The following CASZ1 variants were observed in gnomAD, a reference collection of about 807,000 sequenced individuals.
The protein encoded by CASZ1 is zinc finger protein castor homolog 1.
CASZ1 carries 28 observed loss-of-function variants against 135.2 expected under a neutral mutation model. The ratio of observed to expected loss-of-function variants is 0.21; its 90% confidence interval spans 0.15 to 0.28. The LOEUF (loss-of-function observed/expected upper bound fraction) is 0.28. Among genes scored for constraint, CASZ1 ranks in the 10% least tolerant of loss-of-function variants. The probability of loss-of-function intolerance (pLI) is 1.00; values close to 1 mark genes in which losing one functional copy is unlikely to be tolerated. For synonymous variants in CASZ1, 1,068 were observed against 1,073.4 expected (o/e 0.99, Z 0.10); for missense variants, 2,161 against 2,453.3 (o/e 0.88, Z 2.52).
intron 2 of CASZ1, among the ~76,000 whole-genome samples, chr1:10,734,676 AAGAG>A (rs201242340): frequency 1.3e-5 from 2 of 152,020 alleles, no homozygotes. Flanking sequence ...GAGAGAGAGA[AAGAG>A]AGAGAGAGGG....
chr1:10,700,475 G>T lies in CASZ1; in HGVS notation c.-24+5017C>A, dbSNP rs2100430154. On this transcript the variant is annotated intron_variant, in intron 3 of 20. Transcript: ENST00000377022. This position sits in a 1 kb window ranked among gnomAD's most constrained non-coding sequence, Gnocchi z 4.2. Reference sequence around the variant, plus strand: ...TACTTGGGGAGAAGACACGTGTGCTGCTGCCTGAGTCTAGGTGTTTGGATG... The same window carrying T: ...TACTTGGGGAGAAGACACGTGTGCTTCTGCCTGAGTCTAGGTGTTTGGATG... Among the ~76,000 whole-genome samples, 1 of 152,322 alleles carries T rather than the reference G, an allele frequency of 6.6e-6. No individual in the cohort carries two copies. Among genetic ancestry groups the T allele is most frequent in the South Asian group, 2.1e-4 (1 of 4,826 alleles).
intron 5 of CASZ1, among the ~76,000 whole-genome samples, chr1:10,663,435 G>T (rs1000823628): frequency 6.6e-6 from 1 of 152,220 alleles, no homozygotes; most frequent in Non-Finnish European, 1.5e-5. Flanking sequence ...GGCGGGGCTG[G>T]CGGGTCAGCC....
intron 1 of CASZ1, among the ~76,000 whole-genome samples, chr1:10,785,841 C>A (rs1309487253): frequency 6.6e-6 from 1 of 152,250 alleles, no homozygotes; most frequent in African/African-American, 2.4e-5. Flanking sequence ...AGTGTGCGTT[C>A]CGTAAAATAA....
chr1:10,719,706 G>A lies in CASZ1; in HGVS notation c.-76-14162C>T, dbSNP rs994405530. ...AATCCTGAAGCCCGTGGGTCCCAGA[G>A]CCTGGCACAGTGAGAGAAGAGGCAG... On this transcript the variant is annotated intron_variant, in intron 2 of 20. Coordinates refer to ENST00000377022, the MANE Select transcript of CASZ1 (RefSeq NM_001079843.3). The surrounding 1 kb of genome is among the most constrained non-coding windows in gnomAD (Gnocchi z 4.0). Among the ~76,000 whole-genome samples the A allele has an allele frequency of 2.8e-4, 43 of 152,342 alleles. No homozygotes were observed. The highest frequency in any genetic ancestry group is 9.1e-4 in the African/African-American group (38 of 41,570).
rs1265419301 is a variant in CASZ1 at position 10,707,092 on chromosome 1, C to G, written c.-76-1548G>C. On this transcript the variant is annotated intron_variant, in intron 2 of 20. Coordinates refer to ENST00000377022, the MANE Select transcript of CASZ1 (RefSeq NM_001079843.3). The surrounding 1 kb of genome is among the most constrained non-coding windows in gnomAD (Gnocchi z 5.0). ...CTGGCCGGTCAGCCCAGGGCCCTGG[C>G]TGGGGTGTCATCTTCACTGTCCCGT... is the stretch of plus-strand genomic sequence containing the variant. Among the ~76,000 whole-genome samples the G allele has an allele frequency of 2.0e-5, 3 of 151,986 alleles. No individual in the cohort carries two copies. The highest frequency in any genetic ancestry group is 4.4e-5 in the Non-Finnish European group (3 of 67,960).
In CASZ1 at chr1:10,794,189, GT is replaced by G. The variant is rs1481487864; in HGVS notation, c.-234+2374del. ...TGTATGTGTATGCGTGTGTGTGTGT[GT>G]GTGTGTGTGCGCGCGCGCGCGCGTC... On this transcript the variant is annotated intron_variant, in intron 1 of 20. Transcript: ENST00000377022. The surrounding 1 kb of genome is among the most constrained non-coding windows in gnomAD (Gnocchi z 5.6). Among the ~76,000 whole-genome samples, 49 of 151,666 alleles carry G rather than the reference GT, an allele frequency of 3.2e-4. No individual in the cohort carries two copies. The highest frequency in any genetic ancestry group is 1.0e-3 in the African/African-American group (43 of 41,148).
chr1:10,637,062 G>A lies in CASZ1; in HGVS notation c.*1880C>T, dbSNP rs2124657356. On this transcript the variant is annotated 3_prime_UTR_variant, in exon 21 of 21. Transcript: ENST00000377022. ...TAGCAATGGCTTATAGTCCTAGTGT[G>A]CAATATGAAGTTTACAAAAGGCTAG... 6.6e-6 allele frequency: 1 copy of A among 151,632 alleles called. No individual in the cohort carries two copies. The highest frequency in any genetic ancestry group is 2.1e-4 in the South Asian group (1 of 4,808). 9.4% of individuals were successfully genotyped at this position (151,632 alleles called of 1,614,324 possible). A position where few individuals can be genotyped will look rare whatever the true frequency, so the allele number is the denominator to read the frequency against.
Position 10,727,948 on chromosome 1 carries a change from C to T in CASZ1, c.-76-22404G>A, listed in dbSNP as rs1466816423. The stretch of plus-strand genomic sequence containing the variant: ...CGTGGAAGGTTGAACTAACCCCGGG[C>T]GCGATGCCACGTGCCCAGAAACTGG... On this transcript the variant is annotated intron_variant, in intron 2 of 20. Coordinates refer to ENST00000377022, the MANE Select transcript of CASZ1 (RefSeq NM_001079843.3). The surrounding 1 kb of genome is among the most constrained non-coding windows in gnomAD (Gnocchi z 5.3). Among the ~76,000 whole-genome samples, 9 of 152,234 alleles carry T rather than the reference C, an allele frequency of 5.9e-5. No homozygotes were observed. The highest frequency in any genetic ancestry group is 2.1e-4 in the South Asian group (1 of 4,836).
intron 1 of CASZ1, among the ~76,000 whole-genome samples, chr1:10,779,254 G>A (rs1312091354): frequency 7.2e-6 from 1 of 138,100 alleles, no homozygotes; most frequent in Admixed American, 7.3e-5. Flanking sequence ...GGTGAGGAAA[G>A]TACAAACTAT....
In CASZ1 at chr1:10,653,440, T is replaced by C. The variant is rs1406975695; in HGVS notation, c.2617A>G (p.Ile873Val). The C allele has an allele frequency of 6.2e-7, 1 of 1,613,332 alleles. No individual in the cohort carries two copies. The change falls in exon 11 of 21, where the codon ATC (isoleucine) becomes GTC (valine). Residue 873 changes from isoleucine to valine, a missense_variant. Ile to Val is a conservative substitution (Grantham distance 29). Around this residue, in one of 7 missense-constraint regions of CASZ1, gnomAD observed 406 missense variants for 387.6 expected, o/e 1.05. Transcript: ENST00000377022. Reference sequence around the variant, plus strand: ...GCCAGCCTGGCCATCATGGGCGAGATGAGGCCCTTGCTTGCAGAGATCCTC... The same window carrying C: ...GCCAGCCTGGCCATCATGGGCGAGACGAGGCCCTTGCTTGCAGAGATCCTC... The part of the protein sequence containing the change: ...MERISASKGL[I>V]SPMMARLAAA...
At chr1:10,689,027 G>C (rs997871034) in intron 4 of CASZ1, among the ~76,000 whole-genome samples, 6 of 152,214 alleles carry the variant, frequency 3.9e-5, no homozygotes, top group African/African-American at 1.4e-4. Context: ...GCAGCGGCCA[G>C]GGTGGTCAGG....
At chr1:10,710,950 G>A (rs1639273197) in intron 2 of CASZ1, among the ~76,000 whole-genome samples, 1 of 152,214 alleles carries the variant, frequency 6.6e-6, no homozygotes, top group African/African-American at 2.4e-5. Flanking sequence ...GGCCAATATG[G>A]TGAAACCCTG....
At position 10,651,043 on chromosome 1, in the gene CASZ1, G is replaced by A; in HGVS notation, c.2714C>T (p.Pro905Leu). The change falls in exon 12 of 21, where the codon CCC becomes CTC. Residue 905 changes from proline (P) to leucine (L), a missense_variant. Coordinates refer to ENST00000377022, the MANE Select transcript of CASZ1 (RefSeq NM_001079843.3). Reference protein sequence around the residue: ...SGQQVTPARFPPAQVKPEPGE... With the variant: ...SGQQVTPARFLPAQVKPEPGE... ...GGGTTCCGGCTTCACTTGGGCCGGGGGGAACCTGGCTGGGGTGACCTGCTG... is the reference window on the plus strand; with the variant it reads ...GGGTTCCGGCTTCACTTGGGCCGGGAGGAACCTGGCTGGGGTGACCTGCTG... 1.9e-6 allele frequency: 3 copies of A among 1,551,160 alleles called. No individual in the cohort carries two copies. Among genetic ancestry groups the A allele is most frequent in the East Asian group, 2.3e-5 (1 of 43,666 alleles).
At chr1:10,672,145 A>C (rs1643423990) in intron 4 of CASZ1, among the ~76,000 whole-genome samples, 1 of 151,284 alleles carries the variant, frequency 6.6e-6, no homozygotes, top group Non-Finnish European at 1.5e-5. Flanking sequence ...TCTCCCCATG[A>C]ACTCTATTTC....
At chr1:10,677,200 G>A (rs924346277) in intron 4 of CASZ1, among the ~76,000 whole-genome samples, 4 of 152,202 alleles carry the variant, frequency 2.6e-5, no homozygotes, top group Non-Finnish European at 5.9e-5. Context: ...TGCTCAGGCT[G>A]GAAGGAACGC....
At chr1:10,665,837 CAAAT>C (rs1311096588) in intron 4 of CASZ1, among the ~76,000 whole-genome samples, 1 of 148,536 alleles carries the variant, frequency 6.7e-6, no homozygotes, top group Non-Finnish European at 1.5e-5. Context: ...TGTAAATGAA[CAAAT>C]GAATGAATGA....
Position 10,644,962 on chromosome 1 carries a change from T to C in CASZ1, c.3823A>G (p.Asn1275Asp). The C allele has an allele frequency of 6.2e-7, 1 of 1,613,786 alleles. No homozygotes were observed. The highest frequency in any genetic ancestry group is 8.5e-7 in the Non-Finnish European group (1 of 1,180,004). The change falls in exon 18 of 21, where the codon AAT becomes GAT. Residue 1275 changes from asparagine to aspartate, a missense_variant. Asn to Asp is a conservative substitution (Grantham distance 23). This residue lies in a region of CASZ1 where 349 missense variants were observed against 460.8 expected (regional missense o/e 0.76). Transcript: ENST00000377022. ...CGCTTGGTGAAGTATTTGAAGCCAT[T>C]GGCTGCCCGCCGCTCCGCCTTCTCA... Reference protein sequence around the residue: ...KHEKAERRAANGFKYFTKREE... With the variant: ...KHEKAERRAADGFKYFTKREE...
In CASZ1 at chr1:10,735,406, G is replaced by A. The variant is rs1334118396; in HGVS notation, c.-77+25295C>T. Among the ~76,000 whole-genome samples, 1 of 152,198 alleles carries A rather than the reference G, an allele frequency of 6.6e-6. No individual in the cohort carries two copies. The highest frequency in any genetic ancestry group is 1.5e-5 in the Non-Finnish European group (1 of 68,032). On this transcript the variant is annotated intron_variant, in intron 2 of 20. Transcript: ENST00000377022. This position sits in a 1 kb window ranked among gnomAD's most constrained non-coding sequence, Gnocchi z 5.1. ...AACGCAGGCGAGGCCCGGGAGCTCTGGGAGGGGACGGGGGACTGGCGGAGT... is the reference window on the plus strand; with the variant it reads ...AACGCAGGCGAGGCCCGGGAGCTCTAGGAGGGGACGGGGGACTGGCGGAGT...
intron 5 of CASZ1, among the ~76,000 whole-genome samples, chr1:10,663,805 T>A (rs1643133028): frequency 6.6e-6 from 1 of 152,208 alleles, no homozygotes; most frequent in South Asian, 2.1e-4. Flanking sequence ...GAGGCCTGGA[T>A]CCCTGAGGCC....
Sources: gnomAD v4.1 joint callset for allele counts (sites outside exome capture counted in the v4.1 genomes callset) on GRCh38, gnomAD v4.1.1 for gene constraint, gnomAD v4.1.1 regional missense constraint, Gnocchi (gnomAD v3.1) non-coding constraint, MANE v1.5 for transcripts, NCBI Gene and HGNC (gene_info 2026-07-23, HGNC 2026-07-21) for gene names.